Variants in CCDC77 observed in about 807,000 individuals in gnomAD.
The protein encoded by CCDC77 is coiled-coil domain containing 77.
CCDC77 carries 56 observed loss-of-function variants against 66.8 expected under a neutral mutation model. The observed-to-expected ratio is 0.84, with a 90% CI of 0.68 to 1.05. The LOEUF (loss-of-function observed/expected upper bound fraction) is 1.05, where lower values mean the gene tolerates loss of function less well. Among genes scored for constraint, CCDC77 ranks in the 50% least tolerant of loss-of-function variants. CCDC77 has a pLI of 0.00. For synonymous variants in CCDC77, 196 were observed against 195.2 expected, an observed-to-expected ratio of 1.00 and a Z score of -0.03; for missense variants, 570 against 576.8, an observed-to-expected ratio of 0.99 and a Z score of 0.12.
At chr12:406,446 C>G (rs1944992328) in intron 2 of CCDC77, among the ~76,000 whole-genome samples, 1 of 152,150 alleles carries the variant, frequency 6.6e-6, no homozygotes, top group South Asian at 2.1e-4. Context: ...GGTGTTTTTA[C>G]CGCAGTGAAC....
chr12:395,944 A>G (rs1311912741), intron 1 of CCDC77, among the ~76,000 whole-genome samples: 2 of 152,086 alleles, frequency 1.3e-5, no homozygotes, highest in African/African-American at 2.4e-5. Context: ...AATCAAGTGC[A>G]GTGGCATGCA....
intron 2 of CCDC77, among the ~76,000 whole-genome samples, chr12:408,729 C>T (rs920221634): frequency 4.6e-5 from 7 of 152,126 alleles, no homozygotes; most frequent in Non-Finnish European, 1.0e-4. Flanking sequence ...CCTATAACTT[C>T]AAGGAAAAGA....
intron 1 of CCDC77, among the ~76,000 whole-genome samples, chr12:390,454 C>T (rs1289800130): frequency 6.6e-6 from 1 of 152,172 alleles, no homozygotes; most frequent in Non-Finnish European, 1.5e-5. Flanking sequence ...CTTTAGTACA[C>T]CATGATTTTT....
At chr12:434,009 C>G (rs1945700627) in intron 9 of CCDC77, among the ~76,000 whole-genome samples, 1 of 152,080 alleles carries the variant, frequency 6.6e-6, no homozygotes, top group Admixed American at 6.6e-5. Context: ...TGTACGATCT[C>G]AAGCCCATAA....
chr12:419,367 T>C (rs979818809), intron 5 of CCDC77, among the ~76,000 whole-genome samples: 5 of 152,368 alleles, frequency 3.3e-5, no homozygotes, highest in African/African-American at 1.2e-4. Flanking sequence ...ACTGAGCTCC[T>C]GGGAGATATG....
intron 10 of CCDC77, among the ~76,000 whole-genome samples, chr12:438,807 G>A (rs890981014): frequency 1.3e-5 from 2 of 152,012 alleles, no homozygotes; most frequent in Admixed American, 1.3e-4. Flanking sequence ...AGTGGTTCAC[G>A]CCTGTAATCC....
chr12:426,306 T>G (rs1945531025), intron 5 of CCDC77, among the ~76,000 whole-genome samples: 1 of 152,216 alleles, frequency 6.6e-6, no homozygotes, highest in Admixed American at 6.5e-5. Context: ...ATTTGCCTAA[T>G]TAGTGGCCAC....
chr12:417,455 C>A (rs1385406347), intron 4 of CCDC77, among the ~76,000 whole-genome samples: 2 of 152,186 alleles, frequency 1.3e-5, no homozygotes. Context: ...CACGCTTTCC[C>A]CCACACCATT....
At chr12:422,857 G>C (rs896629241) in intron 5 of CCDC77, among the ~76,000 whole-genome samples, 3 of 152,108 alleles carry the variant, frequency 2.0e-5, no homozygotes, top group Non-Finnish European at 4.4e-5. Context: ...CAAGTGATCT[G>C]TCTGCCTCAG....
chr12:422,815 T>C (rs115036304), intron 5 of CCDC77, among the ~76,000 whole-genome samples: 285 of 152,302 alleles, frequency 1.9e-3, no homozygotes, highest in African/African-American at 6.6e-3. Context: ...GGTTCTGCCA[T>C]GTGGCCCAGG....
intron 5 of CCDC77, among the ~76,000 whole-genome samples, chr12:428,326 C>G (rs1265715377): frequency 1.3e-5 from 2 of 151,930 alleles, no homozygotes; most frequent in Non-Finnish European, 2.9e-5. Context: ...TCCTGGCTAA[C>G]ACAGTGAAAC....
chr12:409,489 G>A, intron 3 of CCDC77, 68 bp downstream of exon 3: 2 of 1,379,406 alleles, frequency 1.4e-6, no homozygotes, highest in Non-Finnish European at 1.0e-6. Context: ...CTAAGCATAG[G>A]AACTGGAAAG....
intron 5 of CCDC77, among the ~76,000 whole-genome samples, chr12:423,489 GTTTTGTTTTTT>G (rs1945467896): frequency 1.5e-4 from 5 of 32,694 alleles, no homozygotes; most frequent in Admixed American, 4.1e-4. Flanking sequence ...GTTTTTTTTT[GTTTTGTTTTTT>G]TTTTTTTTTT....
upstream of CCDC77, among the ~76,000 whole-genome samples, chr12:399,647 T>C (rs551701012): frequency 1.3e-5 from 2 of 152,318 alleles, no homozygotes; most frequent in East Asian, 3.9e-4. Flanking sequence ...AAAGAAATCC[T>C]TTTTTTCCTG....
intron 9 of CCDC77, among the ~76,000 whole-genome samples, chr12:435,161 A>G (rs374930871): frequency 8.6e-5 from 10 of 116,088 alleles, no homozygotes; most frequent in South Asian, 3.1e-4. Context: ...CATGTATTCC[A>G]TTTCCAAATG....
chr12:423,906 A>C (rs1433107989), intron 5 of CCDC77, among the ~76,000 whole-genome samples: 1 of 152,138 alleles, frequency 6.6e-6, no homozygotes, highest in African/African-American at 2.4e-5. Context: ...CCATTTATAT[A>C]TCTTCTTTGG....
chr12:393,563 C>T (rs549381227), intron 1 of CCDC77, among the ~76,000 whole-genome samples: 8 of 150,250 alleles, frequency 5.3e-5, no homozygotes, highest in Middle Eastern at 3.4e-3. Flanking sequence ...GACAGAGTCT[C>T]GCCCTTCCCC....
chr12:409,561 G>T, intron 3 of CCDC77, 140 bp downstream of exon 3: 1 of 751,736 alleles, frequency 1.3e-6, no homozygotes, highest in Non-Finnish European at 2.2e-6. Context: ...TCTGTGCCCA[G>T]GATGGGGTGC....
At chr12:403,917 A>C (rs545734945) in intron 1 of CCDC77, among the ~76,000 whole-genome samples, 6 of 152,324 alleles carry the variant, frequency 3.9e-5, no homozygotes, top group African/African-American at 1.4e-4. Flanking sequence ...AGCAGGTGGG[A>C]CTACATTGCC....
Sources: gnomAD v4.1 joint callset for allele counts (sites outside exome capture counted in the v4.1 genomes callset) on GRCh38, gnomAD v4.1.1 for gene constraint, MANE v1.5 for transcripts, NCBI Gene and HGNC (gene_info 2026-07-23, HGNC 2026-07-21) for gene names.